ARL14EPL: variants seen among roughly 807,000 people sequenced by gnomAD.
ARL14EPL encodes the protein ARF like GTPase 14 effector protein like.
A neutral mutation model predicts 15.9 loss-of-function variants in ARL14EPL; 17 were observed. The ratio of observed to expected loss-of-function variants is 1.07; its 90% confidence interval spans 0.73 to 1.60. The LOEUF is 1.60. ARL14EPL is among the 40% of genes most tolerant of loss of function. ARL14EPL has a pLI of 0.00. For synonymous variants in ARL14EPL, 78 were observed against 63.8 expected, an observed-to-expected ratio of 1.22 and a Z score of -1.06; for missense variants, 214 against 185.9, an observed-to-expected ratio of 1.15 and a Z score of -0.88.
In ARL14EPL at chr5:116,055,821, C is replaced by T. The variant is rs183108242; in HGVS notation, c.236+1668C>T. ...ACTCCCCCAACCCCACAACAGGCCC[C>T]AGTGTGTGATGTTCCCCTTCCTCTG... On this transcript the variant is annotated intron_variant, in intron 3 of 3. Transcript: ENST00000686077. Among the ~76,000 whole-genome samples the T allele has an allele frequency of 7.6e-3, 1,152 of 152,144 alleles. 16 individuals are homozygous for T. Among genetic ancestry groups the T allele is most frequent in the African/African-American group, 0.027 (1,115 of 41,496 alleles).
chr5:116,046,627 A>T (rs1415722336), intron 1 of ARL14EPL, among the ~76,000 whole-genome samples: 2 of 152,194 alleles, frequency 1.3e-5, no homozygotes, highest in Non-Finnish European at 2.9e-5. Context: ...TAGATAATTC[A>T]GCCATCATGG....
At position 116,055,652 on chromosome 5, in the gene ARL14EPL, AT is replaced by A. The variant is rs549570727; in HGVS notation, c.236+1507del. On this transcript the variant is annotated intron_variant, in intron 3 of 3. Coordinates refer to ENST00000686077, the MANE Select transcript of ARL14EPL (RefSeq NM_001195581.2). The stretch of plus-strand genomic sequence containing the variant: ...TTATATATATACATATATATATATA[AT>A]TTTTTTTATTATACTTTAAGTTCTA... Among the ~76,000 whole-genome samples, 1,283 of 151,106 alleles carry A rather than the reference AT, an allele frequency of 8.5e-3. 21 individuals are homozygous for A. The highest frequency in any genetic ancestry group is 0.027 in the African/African-American group (1,108 of 41,210).
chr5:116,042,767 A>G (rs1433809612), intron 1 of ARL14EPL, among the ~76,000 whole-genome samples: 2 of 152,202 alleles, frequency 1.3e-5, no homozygotes, highest in African/African-American at 4.8e-5. Context: ...TAATTATTTC[A>G]TAAACCAGAC....
intron 1 of ARL14EPL, among the ~76,000 whole-genome samples, chr5:116,044,495 G>C (rs376768574): frequency 8.7e-6 from 1 of 114,914 alleles, no homozygotes; most frequent in African/African-American, 2.6e-5. Flanking sequence ...GTGTATATAT[G>C]TGTGTGTATA....
chr5:116,049,093 A>T (rs1027311724), intron 1 of ARL14EPL, among the ~76,000 whole-genome samples: 1 of 152,236 alleles, frequency 6.6e-6, no homozygotes, highest in Non-Finnish European at 1.5e-5. Context: ...ACACCATCAT[A>T]AAGTCAAAAA....
At chr5:116,038,675 A>C (rs1257668296) in intron 1 of ARL14EPL, among the ~76,000 whole-genome samples, 3 of 122,594 alleles carry the variant, frequency 2.4e-5, no homozygotes, top group Non-Finnish European at 3.2e-5. Context: ...AAACCAGGTT[A>C]GGTTAGAAGT....
intron 3 of ARL14EPL, among the ~76,000 whole-genome samples, chr5:116,057,422 A>G (rs1040900033): frequency 2.4e-4 from 5 of 20,588 alleles, no homozygotes; most frequent in African/African-American, 4.7e-4. Flanking sequence ...GGATTTTACC[A>G]AAAAAAAAAG....
chr5:116,049,882 C>CA (rs1307066286), intron 1 of ARL14EPL, among the ~76,000 whole-genome samples: 3 of 151,884 alleles, frequency 2.0e-5, no homozygotes, highest in Non-Finnish European at 2.9e-5. Context: ...TTAACGCACC[C>CA]AAAAAAATAA....
chr5:116,033,349 C>A (rs1580408645), intron 1 of ARL14EPL, among the ~76,000 whole-genome samples: 1 of 152,104 alleles, frequency 6.6e-6, no homozygotes, highest in Non-Finnish European at 1.5e-5. Flanking sequence ...AGATTTTCAA[C>A]ATTTTATTAT....
Position 116,054,163 on chromosome 5 carries a change from T to A in ARL14EPL, c.236+10T>A. The A allele has an allele frequency of 6.5e-7, 1 of 1,532,534 alleles. No homozygotes were observed. Among genetic ancestry groups the A allele is most frequent in the Non-Finnish European group, 8.7e-7 (1 of 1,144,836 alleles). 94.9% of individuals were successfully genotyped at this position (1,532,534 alleles called of 1,614,324 possible). A position where few individuals can be genotyped will look rare whatever the true frequency, so the allele number is the denominator to read the frequency against. ...TTTCTACCAAATACAAGTAAGATTC[T>A]GACTTATTGTATTTGATCTGTGGGA... is the stretch of plus-strand genomic sequence containing the variant. On this transcript the variant is annotated intron_variant, in intron 3 of 3. Transcript: ENST00000686077.
chr5:116,052,472 G>T (rs1166322940), intron 2 of ARL14EPL, among the ~76,000 whole-genome samples: 1 of 152,144 alleles, frequency 6.6e-6, no homozygotes, highest in Non-Finnish European at 1.5e-5. Flanking sequence ...ATTTTACAAA[G>T]AGAGAAACTG....
At chr5:116,051,976 TC>T (rs1749392530) in intron 2 of ARL14EPL, 1 of 1,612,168 alleles carries the variant, frequency 6.2e-7, no homozygotes, top group Non-Finnish European at 8.5e-7. Context: ...TTACTTGAGC[TC>T]TGTGCTTTGA....
intron 1 of ARL14EPL, 33 bp from the exon 2 acceptor site, chr5:116,051,424 A>T (rs1483244264): frequency 1.5e-5 from 19 of 1,277,290 alleles, no homozygotes; most frequent in Non-Finnish European, 2.0e-5. Flanking sequence ...AGATGATATT[A>T]ATATGTTTTA....
chr5:116,052,266 C>T lies in ARL14EPL; in HGVS notation c.96+705C>T, dbSNP rs112804813. 5.1e-4 allele frequency: 798 copies of T among 1,570,968 alleles called. 4 individuals are homozygous for T. The African/African-American group carries it at 9.6e-3, about 19-fold the overall frequency. ...GCTGACTTTCCAGCGTCCTTCTTCTCGTCGTCCTTGGGCGGCATTGCGAAG... is the reference window on the plus strand; with the variant it reads ...GCTGACTTTCCAGCGTCCTTCTTCTTGTCGTCCTTGGGCGGCATTGCGAAG... On this transcript the variant is annotated intron_variant, in intron 2 of 3. Transcript: ENST00000686077.
chr5:116,055,408 C>T (rs1293778692), intron 3 of ARL14EPL, among the ~76,000 whole-genome samples: 4 of 152,040 alleles, frequency 2.6e-5, no homozygotes, highest in African/African-American at 9.7e-5. Flanking sequence ...TGTTAATAAT[C>T]CAAATGTCCA....
At chr5:116,045,537 TA>T (rs1218565865) in intron 1 of ARL14EPL, among the ~76,000 whole-genome samples, 1 of 152,178 alleles carries the variant, frequency 6.6e-6, no homozygotes, top group African/African-American at 2.4e-5. Context: ...GAGGCCCTTT[TA>T]GATGCTGATC....
chr5:116,040,258 T>C (rs1185196527), intron 1 of ARL14EPL, among the ~76,000 whole-genome samples: 1 of 152,000 alleles, frequency 6.6e-6, no homozygotes, highest in Non-Finnish European at 1.5e-5. Flanking sequence ...AGGCATTTGG[T>C]TTAATCACTT....
chr5:116,038,013 T>A (rs1194602354), intron 1 of ARL14EPL, among the ~76,000 whole-genome samples: 4 of 152,180 alleles, frequency 2.6e-5, no homozygotes, highest in Non-Finnish European at 1.5e-5. Flanking sequence ...TTGCCTATCA[T>A]GCACAGCAGG....
At chr5:116,050,716 T>C (rs1170527435) in intron 1 of ARL14EPL, among the ~76,000 whole-genome samples, 1 of 151,740 alleles carries the variant, frequency 6.6e-6, no homozygotes, top group Non-Finnish European at 1.5e-5. Flanking sequence ...AGTGGTGTTT[T>C]CTGATAGAAC....
Sources: gnomAD v4.1 joint callset for allele counts (sites outside exome capture counted in the v4.1 genomes callset) on GRCh38, gnomAD v4.1.1 for gene constraint, MANE v1.5 for transcripts, NCBI Gene and HGNC (gene_info 2026-07-23, HGNC 2026-07-21) for gene names.